The following LRTM2 variants were observed in gnomAD, a reference collection of about 807,000 sequenced individuals.
LRTM2 encodes the protein leucine-rich repeat and transmembrane domain-containing protein 2.
Under a neutral mutation model 28.1 loss-of-function variants are expected in LRTM2, and 18 were observed. The ratio of observed to expected loss-of-function variants is 0.64; its 90% confidence interval spans 0.44 to 0.95. The LOEUF is 0.95. Ranked by LOEUF, LRTM2 falls within the 40% of genes least tolerant of loss-of-function variation. The pLI is 0.00. For synonymous variants in LRTM2, 250 were observed against 218.7 expected (o/e 1.14, Z -1.26); for missense variants, 436 against 497.2 (o/e 0.88, Z 1.17).
At chr12:1,826,409 C>CG (rs1040917310) in intron 1 of LRTM2, among the ~76,000 whole-genome samples, 9 of 60,788 alleles carry the variant, frequency 1.5e-4, no homozygotes, top group Non-Finnish European at 3.4e-4. Context: ...AGCCCCCCCC[C>CG]CCCCCCCGCC....
intron 3 of LRTM2, among the ~76,000 whole-genome samples, chr12:1,830,464 T>C (rs1864571428): frequency 1.3e-5 from 2 of 152,176 alleles, no homozygotes. Flanking sequence ...CCATTTTCCC[T>C]GGGAAACAAA....
chr12:1,834,500 A>G lies in LRTM2; in HGVS notation c.892A>G (p.Arg298Gly), dbSNP rs1864766156. ...CAGCACAGCCTGCCCACAGAAGCAG[A>G]GGCACCGGCCGGCGAGCGTGAGGCG... is the stretch of plus-strand genomic sequence containing the variant. ...EPSTACPQKQRHRPASVRRAM... is the reference protein window; with the variant it reads ...EPSTACPQKQGHRPASVRRAM... Residue 298 changes from arginine to glycine, a missense_variant, in exon 5 of 5, where the codon AGG becomes GGG. Coordinates refer to ENST00000299194, the MANE Select transcript of LRTM2 (RefSeq NM_001039029.3). This position sits in a 1 kb window ranked among gnomAD's most constrained non-coding sequence, Gnocchi z 7.6. 6.2e-7 allele frequency: 1 copy of G among 1,608,250 alleles called. No homozygotes were observed.
chr12:1,824,179 A>T (rs907791208), intron 1 of LRTM2, among the ~76,000 whole-genome samples: 1 of 152,176 alleles, frequency 6.6e-6, no homozygotes, highest in Non-Finnish European at 1.5e-5. Flanking sequence ...ACAGGCCAGC[A>T]TGGTCTCCTC....
intron 1 of LRTM2, among the ~76,000 whole-genome samples, chr12:1,826,458 C>T (rs570009671): frequency 2.4e-5 from 3 of 125,824 alleles, no homozygotes; most frequent in South Asian, 2.8e-4. Flanking sequence ...GGCCTTGAGA[C>T]AGTGGTTAGA....
rs960137219 is a variant in LRTM2 at position 1,828,639 on chromosome 12, T to C, written c.67+424T>C. Among the ~76,000 whole-genome samples, 2 of 152,226 alleles carry C rather than the reference T, an allele frequency of 1.3e-5. No individual in the cohort carries two copies. The highest frequency in any genetic ancestry group is 2.9e-5 in the Non-Finnish European group (2 of 68,026). On this transcript the variant is annotated intron_variant, in intron 3 of 4. Transcript: ENST00000299194. The surrounding 1 kb of genome is among the most constrained non-coding windows in gnomAD (Gnocchi z 4.2). ...TCCCGTGGGGAACTGCCCCCTTGGC[T>C]GGCCTCGGCCAGGAGCTGGGTCAGC...
rs1263691431 is a variant in LRTM2 at position 1,820,743 on chromosome 12, A to C, written c.-330A>C. 6.6e-6 allele frequency: 1 copy of C among 152,310 alleles called. No individual in the cohort carries two copies. Among genetic ancestry groups the C allele is most frequent in the Admixed American group, 6.5e-5 (1 of 15,284 alleles). 9.4% of individuals were successfully genotyped at this position (152,310 alleles called of 1,614,324 possible). A position where few individuals can be genotyped will look rare whatever the true frequency, so the allele number is the denominator to read the frequency against. On this transcript the variant is annotated 5_prime_UTR_variant, in exon 1 of 5. Transcript: ENST00000299194. This position sits in a 1 kb window ranked among gnomAD's most constrained non-coding sequence, Gnocchi z 6.0. ...CCGGTGGTGTCTGGATTTCTATAGG[A>C]ATCCCAGGAGGGTCTTACTGGAGGG...
At chr12:1,825,680 C>T (rs771836463) in intron 1 of LRTM2, among the ~76,000 whole-genome samples, 14 of 152,200 alleles carry the variant, frequency 9.2e-5, no homozygotes, top group Non-Finnish European at 1.8e-4. Context: ...GTGTTTGCAT[C>T]ACGTGCTGTG....
chr12:1,823,965 C>T (rs1393084171), intron 1 of LRTM2, among the ~76,000 whole-genome samples: 3 of 152,240 alleles, frequency 2.0e-5, no homozygotes, highest in Admixed American at 6.5e-5. Flanking sequence ...GGCTCAGAGC[C>T]ATATGATTCC....
intron 2 of LRTM2, chr12:1,827,807 T>C (rs1864409540): frequency 3.4e-6 from 1 of 298,216 alleles, no homozygotes; most frequent in Admixed American, 5.2e-5. Flanking sequence ...AGAAGGCAGA[T>C]GAGGCTGGGT....
Position 1,834,639 on chromosome 12 carries a change from G to C in LRTM2, c.1031G>C (p.Arg344Pro), listed in dbSNP as rs762791910. The C allele has an allele frequency of 6.2e-7, 1 of 1,600,558 alleles. No homozygotes were observed. Among genetic ancestry groups the C allele is most frequent in the East Asian group, 2.2e-5 (1 of 44,866 alleles). Residue 344 changes from arginine to proline, a missense_variant, in exon 5 of 5, where the codon CGG becomes CCG. By Grantham distance (103) the Arg-to-Pro change is moderately radical. Transcript: ENST00000299194. The surrounding 1 kb of genome is among the most constrained non-coding windows in gnomAD (Gnocchi z 7.6). ...IYASLMAKYH[R>P]ELKKRQPLMG... ...GCCTCCCTCATGGCCAAGTACCACC[G>C]GGAGCTCAAAAAGCGCCAGCCCCTG...
chr12:1,822,473 G>T (rs956827401), intron 1 of LRTM2, among the ~76,000 whole-genome samples: 4 of 145,974 alleles, frequency 2.7e-5, no homozygotes, highest in African/African-American at 7.6e-5. Flanking sequence ...CAGCCCCAGG[G>T]ACACCACCCT....
chr12:1,833,616 C>A lies in LRTM2; in HGVS notation c.659-651C>A, dbSNP rs1438608089. On this transcript the variant is annotated intron_variant, in intron 4 of 4. Transcript: ENST00000299194. This position sits in a 1 kb window ranked among gnomAD's most constrained non-coding sequence, Gnocchi z 4.2. ...GGCTGTGGTTGGGGCACCGATGGGG[C>A]CATTGGATTGCTCCTAAGGAGGAGA... 6.6e-6 allele frequency among the ~76,000 whole-genome samples: 1 copy of A among 152,216 alleles called. No individual in the cohort carries two copies.
intron 1 of LRTM2, among the ~76,000 whole-genome samples, 167 bp from the exon 2 acceptor site, chr12:1,827,243 A>C (rs1265261120): frequency 1.3e-5 from 2 of 151,970 alleles, no homozygotes; most frequent in Non-Finnish European, 2.9e-5. Context: ...TGGAGACCCC[A>C]GCACACAGCC....
At position 1,828,295 on chromosome 12, in the gene LRTM2, C is replaced by T. The variant is rs967075565; in HGVS notation, c.67+80C>T. The stretch of plus-strand genomic sequence containing the variant: ...TGACTGTAGGTAGCGCCATATGGGA[C>T]CTTAGCCACACTCAGGCTGCAGGGA... On this transcript the variant is annotated intron_variant, in intron 3 of 4. Coordinates refer to ENST00000299194, the MANE Select transcript of LRTM2 (RefSeq NM_001039029.3). The surrounding 1 kb of genome is among the most constrained non-coding windows in gnomAD (Gnocchi z 4.2). 3.2e-6 allele frequency: 4 copies of T among 1,246,206 alleles called. No individual in the cohort carries two copies. The African/African-American group carries it at 4.6e-5, about 14-fold the overall frequency. 77.2% of individuals were successfully genotyped at this position (1,246,206 alleles called of 1,614,324 possible).
chr12:1,826,084 CA>C (rs1370524571), intron 1 of LRTM2, among the ~76,000 whole-genome samples: 1 of 152,096 alleles, frequency 6.6e-6, no homozygotes, highest in Non-Finnish European at 1.5e-5. Flanking sequence ...AACAACCTCA[CA>C]GGGGAGGTTG....
At chr12:1,831,662 G>C in intron 4 of LRTM2, 137 bp downstream of exon 4, 2 of 714,536 alleles carry the variant, frequency 2.8e-6, no homozygotes, top group Non-Finnish European at 4.6e-6. Flanking sequence ...CTCTGTGCCA[G>C]CTCGGCTAGA....
rs1328970152 is a variant in LRTM2 at position 1,836,450 on chromosome 12, T to A, written c.*1729T>A. Reference sequence around the variant, plus strand: ...CCCTCCCTGCTCATGCGGCAGTGGGTGGGTGAGGTGGGCTGGGGGCCTGGA... The same window carrying A: ...CCCTCCCTGCTCATGCGGCAGTGGGAGGGTGAGGTGGGCTGGGGGCCTGGA... On this transcript the variant is annotated 3_prime_UTR_variant, in exon 5 of 5. Coordinates refer to ENST00000299194, the MANE Select transcript of LRTM2 (RefSeq NM_001039029.3). 5 of 152,158 alleles carry A rather than the reference T, an allele frequency of 3.3e-5. No individual in the cohort carries two copies. The highest frequency in any genetic ancestry group is 1.2e-4 in the African/African-American group (5 of 41,360). 9.4% of individuals were successfully genotyped at this position (152,158 alleles called of 1,614,324 possible). A position where few individuals can be genotyped will look rare whatever the true frequency, so the allele number is the denominator to read the frequency against.
Position 1,828,016 on chromosome 12 carries a change from C to G in LRTM2, c.-73-60C>G, listed in dbSNP as rs777306274. 95 of 716,026 alleles carry G rather than the reference C, an allele frequency of 1.3e-4. 1 individual carries two copies. The Middle Eastern group carries it at 2.9e-3, about 22-fold the overall frequency. The allele number at this position is 716,026 out of a possible 1,614,324, so 44.4% of individuals were successfully genotyped here. On this transcript the variant is annotated intron_variant, in intron 2 of 4. Transcript: ENST00000299194. The surrounding 1 kb of genome is among the most constrained non-coding windows in gnomAD (Gnocchi z 4.2). ...AGAGACACCCGGGCCCTCTCCCTAA[C>G]CCCTGGGCTGGAACGGGGCTCCCGC...
chr12:1,834,754 C>T lies in LRTM2; in HGVS notation c.*33C>T, dbSNP rs151191165. 66 of 1,553,606 alleles carry T rather than the reference C, an allele frequency of 4.2e-5. No individual in the cohort carries two copies. The African/African-American group carries it at 5.9e-4, about 14-fold the overall frequency. On this transcript the variant is annotated 3_prime_UTR_variant, in exon 5 of 5. Coordinates refer to ENST00000299194, the MANE Select transcript of LRTM2 (RefSeq NM_001039029.3). This position sits in a 1 kb window ranked among gnomAD's most constrained non-coding sequence, Gnocchi z 7.6. ...TCCCCACCCGGCCAGGTAGGAAGGG[C>T]GGGGAGAGCACACGGCATTGCTCAG... is the stretch of plus-strand genomic sequence containing the variant.
Sources: gnomAD v4.1 joint callset for allele counts (sites outside exome capture counted in the v4.1 genomes callset) on GRCh38, gnomAD v4.1.1 for gene constraint, Gnocchi (gnomAD v3.1) non-coding constraint, MANE v1.5 for transcripts, NCBI Gene and HGNC (gene_info 2026-07-23, HGNC 2026-07-21) for gene names.